Variants in IL1RAPL1 observed in about 807,000 individuals in gnomAD.
IL1RAPL1 encodes interleukin-1 receptor accessory protein-like 1.
Under a neutral mutation model 48.4 loss-of-function variants are expected in IL1RAPL1, and 3 were observed. The observed-to-expected ratio is 0.06, with a 90% CI of 0.03 to 0.16. The LOEUF (loss-of-function observed/expected upper bound fraction) is 0.16. Among genes scored for constraint, IL1RAPL1 ranks in the 10% least tolerant of loss-of-function variants. The probability of loss-of-function intolerance (pLI) is 1.00; values close to 1 mark genes in which losing one functional copy is unlikely to be tolerated. For synonymous variants in IL1RAPL1, 185 were observed against 187.7 expected (o/e 0.99, Z 0.12); for missense variants, 349 against 530.6 (o/e 0.66, Z 3.36).
chrX:29,037,324 G>A (rs1382849487), intron 2 of IL1RAPL1, among the ~76,000 whole-genome samples: 2 of 111,775 alleles, frequency 1.8e-5, no homozygotes, highest in African/African-American at 3.2e-5. Context: ...AGATTAATAT[G>A]TTTTGGTTAT....
chrX:29,645,550 C>G (rs186694737), intron 5 of IL1RAPL1, among the ~76,000 whole-genome samples: 2 of 111,187 alleles, frequency 1.8e-5, no homozygotes, highest in Non-Finnish European at 3.8e-5. Flanking sequence ...AACCTATGTA[C>G]GGAGCCTTTA....
intron 6 of IL1RAPL1, among the ~76,000 whole-genome samples, chrX:29,716,236 G>A (rs1428745301): frequency 9.0e-6 from 1 of 111,344 alleles, no homozygotes; most frequent in African/African-American, 3.3e-5. Flanking sequence ...TCGATCACTA[G>A]ATGCAGGCTG....
chrX:29,453,989 C>T (rs902187551), intron 5 of IL1RAPL1, among the ~76,000 whole-genome samples: 17 of 112,160 alleles, frequency 1.5e-4, no homozygotes, highest in African/African-American at 5.2e-4. Context: ...AAGACAGAGG[C>T]TTGCCCTGAA....
intron 6 of IL1RAPL1, among the ~76,000 whole-genome samples, chrX:29,697,700 C>T (rs185514767): frequency 1.2e-3 from 138 of 112,462 alleles, no homozygotes; most frequent in African/African-American, 4.3e-3. Context: ...CAGTATGCAT[C>T]TCTGACCATT....
intron 2 of IL1RAPL1, among the ~76,000 whole-genome samples, chrX:28,907,523 G>A (rs1923249524): frequency 8.9e-6 from 1 of 112,692 alleles, no homozygotes; most frequent in East Asian, 2.8e-4. Context: ...CCAAAGTGCT[G>A]GGATTACAGG....
At chrX:29,754,376 G>T (rs1928562067) in intron 6 of IL1RAPL1, among the ~76,000 whole-genome samples, 1 of 111,438 alleles carries the variant, frequency 9.0e-6, no homozygotes, top group Admixed American at 9.6e-5. Flanking sequence ...TCTGATAAGT[G>T]AACTGAAATG....
intron 6 of IL1RAPL1, among the ~76,000 whole-genome samples, chrX:29,914,807 G>A (rs1213917123): frequency 1.8e-5 from 2 of 112,404 alleles, no homozygotes; most frequent in African/African-American, 6.4e-5. Context: ...ATCTGCAATT[G>A]ATTTCCAATC....
chrX:29,376,138 C>T (rs1346008615), intron 3 of IL1RAPL1, among the ~76,000 whole-genome samples: 1 of 110,880 alleles, frequency 9.0e-6, no homozygotes, highest in Non-Finnish European at 1.9e-5. Context: ...TTTCCTAGTT[C>T]ATTTAGGTAC....
intron 1 of IL1RAPL1, chrX:28,659,436 T>C: frequency 1.9e-6 from 1 of 527,919 alleles, no homozygotes; most frequent in Non-Finnish European, 3.5e-6. Context: ...TTACCACCAG[T>C]CGATTTGCGG....
chrX:29,079,612 G>A (rs1380366672), intron 2 of IL1RAPL1, among the ~76,000 whole-genome samples: 1 of 109,581 alleles, frequency 9.1e-6, no homozygotes, highest in East Asian at 2.9e-4. Flanking sequence ...GTGAATGTGT[G>A]TGTGATTAAG....
chrX:28,801,537 A>G (rs758992916), intron 2 of IL1RAPL1, among the ~76,000 whole-genome samples: 1 of 111,915 alleles, frequency 8.9e-6, no homozygotes, highest in Non-Finnish European at 1.9e-5. Context: ...AAGTTCCAGG[A>G]AAGGTCTACA....
intron 5 of IL1RAPL1, among the ~76,000 whole-genome samples, chrX:29,595,821 C>A (rs781247023): frequency 9.0e-6 from 1 of 111,534 alleles, no homozygotes; most frequent in South Asian, 3.8e-4. Flanking sequence ...AAGCCAACAT[C>A]TAGAAGGGTT....
intron 6 of IL1RAPL1, among the ~76,000 whole-genome samples, chrX:29,900,978 A>C (rs977479298): frequency 8.9e-6 from 1 of 112,062 alleles, no homozygotes; most frequent in African/African-American, 3.2e-5. Flanking sequence ...GCAGCCCCAG[A>C]CCAGTCAGGT....
chrX:29,014,722 A>G (rs1352941009), intron 2 of IL1RAPL1, among the ~76,000 whole-genome samples: 3 of 112,165 alleles, frequency 2.7e-5, no homozygotes, highest in Non-Finnish European at 3.8e-5. Flanking sequence ...TAAATATTCT[A>G]TATTGTAGTC....
chrX:29,339,525 G>A, intron 3 of IL1RAPL1, among the ~76,000 whole-genome samples: 1 of 111,477 alleles, frequency 9.0e-6, no homozygotes, highest in African/African-American at 3.3e-5. Flanking sequence ...ACTTTTTAAA[G>A]AACTATTCTA....
intron 2 of IL1RAPL1, among the ~76,000 whole-genome samples, chrX:28,843,287 T>G (rs961551188): frequency 1.8e-5 from 2 of 110,056 alleles, no homozygotes; most frequent in Non-Finnish European, 3.8e-5. Flanking sequence ...ATTTATTTAT[T>G]TTCTGTCTTA....
intron 3 of IL1RAPL1, among the ~76,000 whole-genome samples, chrX:29,310,097 A>C: frequency 2.5e-5 from 1 of 40,252 alleles, no homozygotes; most frequent in Non-Finnish European, 4.6e-5. Context: ...CCGTCTCAAA[A>C]AAAAAAAAAA....
At chrX:29,631,763 C>T (rs1279323141) in intron 5 of IL1RAPL1, among the ~76,000 whole-genome samples, 1 of 110,863 alleles carries the variant, frequency 9.0e-6, no homozygotes, top group African/African-American at 3.3e-5. Context: ...CCACTGCACT[C>T]CAGCCTGGGT....
chrX:29,441,652 A>G (rs1934548722), intron 5 of IL1RAPL1, among the ~76,000 whole-genome samples: 1 of 111,428 alleles, frequency 9.0e-6, no homozygotes, highest in Non-Finnish European at 1.9e-5. Context: ...CCTCAGGCAA[A>G]TGATTCCACG....
Sources: allele counts gnomAD v4.1 joint callset (sites outside exome capture counted in the v4.1 genomes callset), GRCh38; gene constraint gnomAD v4.1.1; transcripts MANE v1.5; gene names NCBI Gene and HGNC (gene_info 2026-07-23, HGNC 2026-07-21).